The following STARD13 variants were observed in gnomAD, a reference collection of about 807,000 sequenced individuals.
The protein encoded by STARD13 is stAR-related lipid transfer protein 13.
In STARD13, 62 loss-of-function variants were observed where a neutral mutation model predicts 106.4. The observed-to-expected ratio is 0.58, with a 90% CI of 0.48 to 0.72. The LOEUF (loss-of-function observed/expected upper bound fraction) is 0.72, where lower values mean the gene tolerates loss of function less well. Ranked by LOEUF, STARD13 falls within the 30% of genes least tolerant of loss-of-function variation. STARD13 has a pLI of 0.00. For missense variants in STARD13, 1,387 were observed against 1,424.0 expected, an observed-to-expected ratio of 0.97 and a Z score of 0.42; for synonymous variants, 565 against 553.0, an observed-to-expected ratio of 1.02 and a Z score of -0.31.
chr13:33,520,675 C>G, the STARD13 span, among the ~76,000 whole-genome samples: 1 of 152,068 alleles, frequency 6.6e-6, no homozygotes, highest in Non-Finnish European at 1.5e-5. Flanking sequence ...TTCACATACA[C>G]TTCTGATCCC....
At position 33,106,980 on chromosome 13, in the gene STARD13, A is replaced by C. The variant is rs749109033; in HGVS notation, c.3048-46T>G. On this transcript the variant is annotated intron_variant, in intron 12 of 13. Coordinates refer to ENST00000336934, the MANE Select transcript of STARD13 (RefSeq NM_178006.4). ...CATCAGAGTCATGACTGAGGGAGGA[A>C]GAAGAACCTGAACACAGAGCTAAGG... 1.9e-6 allele frequency: 3 copies of C among 1,561,962 alleles called. No homozygotes were observed. The South Asian group carries it at 3.6e-5, about 19-fold the overall frequency.
the STARD13 span, among the ~76,000 whole-genome samples, chr13:33,356,667 G>A: frequency 2.0e-5 from 3 of 152,204 alleles, no homozygotes; most frequent in South Asian, 6.2e-4. Context: ...AAAATATTTA[G>A]AATGATGCCT....
the STARD13 span, among the ~76,000 whole-genome samples, chr13:33,552,776 AAAT>A: frequency 6.6e-6 from 1 of 152,208 alleles, no homozygotes; most frequent in Non-Finnish European, 1.5e-5. Context: ...CATATATCAA[AAAT>A]AATACTTCCA....
intron 1 of STARD13, among the ~76,000 whole-genome samples, chr13:33,297,941 A>C (rs902913196): frequency 1.3e-5 from 2 of 152,134 alleles, no homozygotes; most frequent in African/African-American, 4.8e-5. Flanking sequence ...AGTGTTCAAA[A>C]TAATTTCATC....
the STARD13 span, among the ~76,000 whole-genome samples, chr13:33,575,646 T>C: frequency 2.0e-5 from 3 of 152,012 alleles, no homozygotes; most frequent in Non-Finnish European, 2.9e-5. Flanking sequence ...AATAGATGAG[T>C]TTCCTTGAGA....
the STARD13 span, among the ~76,000 whole-genome samples, chr13:33,570,669 A>ATCTGTGC: frequency 8.3e-6 from 1 of 120,886 alleles, no homozygotes; most frequent in Non-Finnish European, 1.8e-5. Flanking sequence ...TAGTCCACAG[A>ATCTGTGC]CAGTTTGCTC....
the STARD13 span, among the ~76,000 whole-genome samples, chr13:33,618,903 T>C: frequency 2.0e-5 from 3 of 152,056 alleles, no homozygotes; most frequent in Non-Finnish European, 2.9e-5. Flanking sequence ...AGGAGGGTTC[T>C]GAGGAGAGCT....
chr13:33,142,227 G>T (rs770554626), intron 4 of STARD13, 83 bp downstream of exon 4: 5 of 1,020,856 alleles, frequency 4.9e-6, no homozygotes, highest in Middle Eastern at 2.0e-4. Context: ...AGACACAAGG[G>T]TCTCACTATG....
Position 33,116,010 on chromosome 13 carries a change from T to A in STARD13, c.2281+2055A>T, listed in dbSNP as rs912457677. Among the ~76,000 whole-genome samples, 30 of 152,324 alleles carry A rather than the reference T, an allele frequency of 2.0e-4. No individual in the cohort carries two copies. In the Middle Eastern group the frequency reaches 0.01, roughly 52 times the overall value. On this transcript the variant is annotated intron_variant, in intron 8 of 13. Transcript: ENST00000336934. ...AATGACTGTTCGTTGGATATTTGGT[T>A]CTGTCTTTACAGCTGAGAACACTGT...
chr13:33,669,254 G>A, the STARD13 span, among the ~76,000 whole-genome samples: 1 of 152,154 alleles, frequency 6.6e-6, no homozygotes, highest in Admixed American at 6.5e-5. Flanking sequence ...GACCCTCATA[G>A]AAACAAATAA....
chr13:33,267,946 C>T (rs1890978463), intron 1 of STARD13, among the ~76,000 whole-genome samples: 2 of 152,078 alleles, frequency 1.3e-5, no homozygotes, highest in Admixed American at 1.3e-4. Flanking sequence ...GGAGTTGGGA[C>T]CATGTATTAT....
chr13:33,229,459 A>G (rs1484169654), intron 1 of STARD13, among the ~76,000 whole-genome samples: 1 of 152,244 alleles, frequency 6.6e-6, no homozygotes, highest in African/African-American at 2.4e-5. Context: ...CAGAAGGACA[A>G]GATGCCCTGT....
At chr13:33,395,832 AT>A in the STARD13 span, among the ~76,000 whole-genome samples, 1 of 152,016 alleles carries the variant, frequency 6.6e-6, no homozygotes, top group Non-Finnish European at 1.5e-5. Flanking sequence ...CCTTTTAAAC[AT>A]TTATTTATTT....
At chr13:33,539,911 C>T in the STARD13 span, among the ~76,000 whole-genome samples, 18 of 152,270 alleles carry the variant, frequency 1.2e-4, no homozygotes, top group East Asian at 3.5e-3. Flanking sequence ...AAAATATTCA[C>T]AACATATACT....
chr13:33,654,685 A>T, the STARD13 span: 1 of 152,268 alleles, frequency 6.6e-6, no homozygotes, highest in Non-Finnish European at 1.5e-5. Context: ...TCTATTGAAA[A>T]GTAAAACAGG....
intron 1 of STARD13, among the ~76,000 whole-genome samples, chr13:33,232,368 T>A (rs1888968083): frequency 1.3e-5 from 2 of 152,232 alleles, no homozygotes; most frequent in African/African-American, 4.8e-5. Context: ...ATTTAAAAAT[T>A]TCTTTTATTG....
At chr13:33,107,525 C>T (rs982035865) in intron 12 of STARD13, among the ~76,000 whole-genome samples, 1 of 152,090 alleles carries the variant, frequency 6.6e-6, no homozygotes, top group Non-Finnish European at 1.5e-5. Flanking sequence ...GTACGCTTAG[C>T]TTGAAGGAAA....
At position 33,165,420 on chromosome 13, in the gene STARD13, T is replaced by C; in HGVS notation, c.242-2A>G. ...CAATGTTGATGGGAAATTGTGAATCTGAGAGAGAAAGACAAAGAAGTTGAT... is the reference window on the plus strand; with the variant it reads ...CAATGTTGATGGGAAATTGTGAATCCGAGAGAGAAAGACAAAGAAGTTGAT... On this transcript the variant is annotated splice_acceptor_variant, in intron 2 of 13. Coordinates refer to ENST00000336934, the MANE Select transcript of STARD13 (RefSeq NM_178006.4). LOFTEE classifies it high-confidence loss of function. The C allele has an allele frequency of 2.5e-6, 4 of 1,612,106 alleles. No homozygotes were observed. The highest frequency in any genetic ancestry group is 3.4e-6 in the Non-Finnish European group (4 of 1,178,214).
chr13:33,222,308 G>A (rs185093735), intron 1 of STARD13, among the ~76,000 whole-genome samples: 4 of 152,126 alleles, frequency 2.6e-5, no homozygotes, highest in South Asian at 4.1e-4. Context: ...CAGAGGTTGC[G>A]GAATGGAGAT....
Sources: allele counts gnomAD v4.1 joint callset (sites outside exome capture counted in the v4.1 genomes callset), GRCh38; gene constraint gnomAD v4.1.1; transcripts MANE v1.5; gene names NCBI Gene and HGNC (gene_info 2026-07-23, HGNC 2026-07-21).